The following GGA2 variants were observed in gnomAD, a reference collection of about 807,000 sequenced individuals.
The protein encoded by GGA2 is ADP-ribosylation factor-binding protein GGA2.
Under a neutral mutation model 79.5 loss-of-function variants are expected in GGA2, and 48 were observed. That is an observed-to-expected ratio of 0.60 (90% CI 0.48 to 0.77). The LOEUF is 0.77. Ranked by LOEUF, GGA2 falls within the 30% of genes least tolerant of loss-of-function variation. The probability of loss-of-function intolerance (pLI) is 0.00; values close to 1 mark genes in which losing one functional copy is unlikely to be tolerated. For missense variants in GGA2, 770 were observed against 774.0 expected (o/e 0.99, Z 0.06); for synonymous variants, 317 against 302.0 (o/e 1.05, Z -0.51).
At chr16:23,483,097 A>G in intron 8 of GGA2, 93 bp from the exon 9 acceptor site, 3 of 772,022 alleles carry the variant, frequency 3.9e-6, no homozygotes, top group South Asian at 2.9e-5. Flanking sequence ...GGCAGACGGC[A>G]GAGTCTGGGG....
At chr16:23,500,720 C>T (rs906378174) in intron 1 of GGA2, among the ~76,000 whole-genome samples, 8 of 152,238 alleles carry the variant, frequency 5.3e-5, no homozygotes, top group Non-Finnish European at 1.0e-4. Flanking sequence ...ATCACGCAGG[C>T]GGAGGTGGCA....
At chr16:23,491,103 GTGTT>G (rs1964779160) in intron 5 of GGA2, among the ~76,000 whole-genome samples, 1 of 152,048 alleles carries the variant, frequency 6.6e-6, no homozygotes, top group African/African-American at 2.4e-5. Context: ...GAGAGTGTGT[GTGTT>G]TGTGTGTGTG....
chr16:23,500,715 G>A (rs1372082231), intron 1 of GGA2, among the ~76,000 whole-genome samples: 6 of 152,238 alleles, frequency 3.9e-5, no homozygotes, highest in Non-Finnish European at 7.3e-5. Context: ...ATAACATCAC[G>A]CAGGCGGAGG....
intron 8 of GGA2, among the ~76,000 whole-genome samples, chr16:23,484,956 C>T (rs1399453132): frequency 1.3e-5 from 2 of 152,188 alleles, no homozygotes; most frequent in African/African-American, 4.8e-5. Flanking sequence ...AGGCATCATT[C>T]ATAATAGCCA....
intron 1 of GGA2, chr16:23,501,001 A>C (rs896532802): frequency 9.1e-6 from 3 of 330,044 alleles, no homozygotes; most frequent in Admixed American, 8.4e-5. Flanking sequence ...AGCCAGCCTG[A>C]TCTTTGACAC....
chr16:23,473,328 G>GTATT (rs1236646063), intron 14 of GGA2, among the ~76,000 whole-genome samples: 1 of 38,750 alleles, frequency 2.6e-5, no homozygotes. Flanking sequence ...TACTTTTCTA[G>GTATT]TCTTTTTTTT....
At chr16:23,478,235 AAAAAG>A (rs1964600610) in intron 13 of GGA2, 128 bp downstream of exon 13, 4 of 669,998 alleles carry the variant, frequency 6.0e-6, no homozygotes, top group Non-Finnish European at 9.3e-6. Context: ...CAAAAAAAAA[AAAAAG>A]AAAGAAAGAA....
intron 1 of GGA2, among the ~76,000 whole-genome samples, chr16:23,503,296 T>C (rs1964940008): frequency 1.3e-5 from 2 of 152,210 alleles, no homozygotes; most frequent in South Asian, 4.1e-4. Flanking sequence ...AAATATTAGA[T>C]GAAACATGTT....
intron 13 of GGA2, 60 bp downstream of exon 13, chr16:23,478,308 A>T: frequency 7.0e-7 from 1 of 1,421,626 alleles, no homozygotes; most frequent in Non-Finnish European, 9.5e-7. Context: ...CCCTTGTCCC[A>T]TGAGAAGGAA....
chr16:23,494,365 G>C lies in GGA2; in HGVS notation c.190C>G (p.Pro64Ala). The change falls in exon 3 of 17, where the codon CCC (proline) becomes GCC (alanine). Residue 64 changes from proline (P) to alanine (A), a missense_variant. By Grantham distance (27) the Pro-to-Ala change is conservative. Coordinates refer to ENST00000309859, the MANE Select transcript of GGA2 (RefSeq NM_015044.4). ...TGGATCTTGTGGGCCAGTAGCCAGG[G>C]CGCATGTGTGGGGCTACAGGGAAAC... Reference protein sequence around the residue: ...NTDPNGPTHAPWLLAHKIQSP... With the variant: ...NTDPNGPTHAAWLLAHKIQSP... 6.2e-7 allele frequency: 1 copy of C among 1,611,330 alleles called. No homozygotes were observed. Among genetic ancestry groups the C allele is most frequent in the African/African-American group, 1.3e-5 (1 of 74,988 alleles).
chr16:23,483,023 GT>G lies in GGA2; in HGVS notation c.799-20del. 1 of 1,564,734 alleles carries G rather than the reference GT, an allele frequency of 6.4e-7. No individual in the cohort carries two copies. The highest frequency in any genetic ancestry group is 1.4e-5 in the African/African-American group (1 of 73,980). On this transcript the variant is annotated intron_variant, in intron 8 of 16. Transcript: ENST00000309859. ...ACACGACCTGAAAGAGCAGAGCTTG[GT>G]TCATGACACACGCCCAGGCACCCCA...
chr16:23,481,899 T>A (rs1301953807), intron 9 of GGA2, among the ~76,000 whole-genome samples: 7 of 152,106 alleles, frequency 4.6e-5, no homozygotes, highest in African/African-American at 1.7e-4. Flanking sequence ...TTTTTTTTTT[T>A]AAGTTAGCAA....
At chr16:23,522,902 T>A (rs891147626), upstream of GGA2, 1 of 152,168 alleles carries the variant, frequency 6.6e-6, no homozygotes, top group Admixed American at 6.6e-5. Context: ...GATTGCACAC[T>A]CCCATGGCTA....
chr16:23,503,471 GATATT>G, intron 1 of GGA2, among the ~76,000 whole-genome samples: 1 of 152,066 alleles, frequency 6.6e-6, no homozygotes, highest in South Asian at 2.1e-4. Flanking sequence ...CAAAATTAAT[GATATT>G]ATATCTTATA....
At chr16:23,498,141 G>A (rs1031148786) in intron 1 of GGA2, among the ~76,000 whole-genome samples, 6 of 151,934 alleles carry the variant, frequency 3.9e-5, no homozygotes, top group African/African-American at 7.3e-5. Flanking sequence ...TTAGCTGGGC[G>A]TGGCAGCGTG....
chr16:23,516,592 C>A (rs1033734378), intron 2 of GGA2, among the ~76,000 whole-genome samples: 11 of 152,070 alleles, frequency 7.2e-5, no homozygotes, highest in African/African-American at 2.7e-4. Flanking sequence ...ATGTCATTTC[C>A]CTGCCTAAAA....
chr16:23,485,903 A>G, intron 8 of GGA2, 112 bp downstream of exon 8: 1 of 956,484 alleles, frequency 1.0e-6, no homozygotes, highest in East Asian at 2.5e-5. Context: ...GGGAGGTGTC[A>G]GATATGTTTA....
chr16:23,500,375 C>T (rs1964907441), intron 1 of GGA2, among the ~76,000 whole-genome samples: 1 of 152,228 alleles, frequency 6.6e-6, no homozygotes, highest in Admixed American at 6.5e-5. Context: ...AATGCCAGCC[C>T]CAGGTAGGGT....
chr16:23,497,428 T>G (rs1453674745), intron 1 of GGA2, among the ~76,000 whole-genome samples: 8 of 152,116 alleles, frequency 5.3e-5, no homozygotes, highest in Non-Finnish European at 1.5e-5. Context: ...CCGAGTTGAA[T>G]TTTTCCTGAC....
Sources: allele counts gnomAD v4.1 joint callset (sites outside exome capture counted in the v4.1 genomes callset), GRCh38; gene constraint gnomAD v4.1.1; transcripts MANE v1.5; gene names NCBI Gene and HGNC (gene_info 2026-07-23, HGNC 2026-07-21).